Variants in INSM1 observed in about 807,000 individuals in gnomAD.
INSM1 encodes the protein INSM transcriptional repressor 1.
INSM1 carries 11 observed loss-of-function variants against 21.1 expected under a neutral mutation model. The observed-to-expected ratio is 0.52, with a 90% CI of 0.33 to 0.86. INSM1 has a LOEUF of 0.86. Among genes scored for constraint, INSM1 ranks in the 40% least tolerant of loss-of-function variants. The pLI is 0.03. For missense variants in INSM1, 843 were observed against 760.1 expected (o/e 1.11, Z -1.28); for synonymous variants, 473 against 386.1 (o/e 1.23, Z -2.64).
In INSM1 at chr20:20,368,813, C is replaced by T; in HGVS notation, c.546C>T (p.Gly182=). Residue 182 remains glycine (G), a synonymous_variant, in exon 1 of 1, where the codon GGC becomes GGT. Transcript: ENST00000310227. The surrounding 1 kb of genome is among the most constrained non-coding windows in gnomAD (Gnocchi z 4.3). ...CGGCTGGCGCCGAGGCGGCCCGCGG[C>T]CCGGGCCCCGGCCCCCCACTGCCCC... The part of the protein sequence containing the change: ...AFSAGAEAAR[G]PGPGPPLPPA... 2 of 1,102,002 alleles carry T rather than the reference C, an allele frequency of 1.8e-6. No homozygotes were observed. Among genetic ancestry groups the T allele is most frequent in the Non-Finnish European group, 2.3e-6 (2 of 885,174 alleles). 68.3% of individuals were successfully genotyped at this position (1,102,002 alleles called of 1,614,324 possible).
Position 20,368,730 on chromosome 20 carries a change from T to A in INSM1, c.463T>A (p.Cys155Ser), listed in dbSNP as rs1357839198. Residue 155 changes from cysteine to serine, a missense_variant, in exon 1 of 1, where the codon TGC becomes AGC. By Grantham distance (112) the Cys-to-Ser change is moderately radical. Transcript: ENST00000310227. This position sits in a 1 kb window ranked among gnomAD's most constrained non-coding sequence, Gnocchi z 4.3. Reference protein sequence around the residue: ...GASGAGGGGTCGGDPLLFAPA... With the variant: ...GASGAGGGGTSGGDPLLFAPA... ...GAGCGGAGCTGGCGGAGGCGGCACC[T>A]GCGGCGGCGACCCGCTGCTCTTCGC... The A allele has an allele frequency of 1.7e-6, 2 of 1,183,324 alleles. No homozygotes were observed. The highest frequency in any genetic ancestry group is 3.8e-5 in the East Asian group (1 of 26,372). 73.3% of individuals were successfully genotyped at this position (1,183,324 alleles called of 1,614,324 possible).
At position 20,370,008 on chromosome 20, in the gene INSM1, A is replaced by C; in HGVS notation, c.*208A>C. On this transcript the variant is annotated 3_prime_UTR_variant, in exon 1 of 1. Transcript: ENST00000310227. ...GACTCCTTTTGGAACCCCCACTTTT[A>C]CGTTGTGTCCCTCCGCCTCCCCCAT... 4 of 518,578 alleles carry C rather than the reference A, an allele frequency of 7.7e-6. No homozygotes were observed. Among genetic ancestry groups the C allele is most frequent in the South Asian group, 3.3e-5 (1 of 29,882 alleles). 32.1% of individuals were successfully genotyped at this position (518,578 alleles called of 1,614,324 possible).
chr20:20,368,270 G>GC lies in INSM1; in HGVS notation c.7dup (p.Arg3ProfsTer336). On this transcript the variant is annotated frameshift_variant, in exon 1 of 1. Transcript: ENST00000310227. LOFTEE classifies it low-confidence loss of function (END_TRUNC). The surrounding 1 kb of genome is among the most constrained non-coding windows in gnomAD (Gnocchi z 4.3). ...CCGTGCCCTCGGGCCGCGCCAACAT[G>GC]CCCCGCGGCTTCCTGGTGAAGCGCA... 7.9e-7 allele frequency: 1 copy of GC among 1,270,396 alleles called. No homozygotes were observed. The highest frequency in any genetic ancestry group is 1.7e-5 in the South Asian group (1 of 59,222). 78.7% of individuals were successfully genotyped at this position (1,270,396 alleles called of 1,614,324 possible).
chr20:20,368,225 G>A lies in INSM1; in HGVS notation c.-43G>A, dbSNP rs1342647580. The A allele has an allele frequency of 9.1e-7, 1 of 1,093,680 alleles. No individual in the cohort carries two copies. Among genetic ancestry groups the A allele is most frequent in the South Asian group, 3.5e-5 (1 of 28,560 alleles). The allele number at this position is 1,093,680 out of a possible 1,614,324, so 67.7% of individuals were successfully genotyped here. A position where few individuals can be genotyped will look rare whatever the true frequency, so the allele number is the denominator to read the frequency against. The stretch of plus-strand genomic sequence containing the variant: ...CTGAGGGCCGCCGGGGCCGAGCGCG[G>A]AGGGGGGACCGAGCCAGTGCCGTGC... On this transcript the variant is annotated 5_prime_UTR_variant, in exon 1 of 1. Transcript: ENST00000310227. This position sits in a 1 kb window ranked among gnomAD's most constrained non-coding sequence, Gnocchi z 4.3.
At position 20,370,213 on chromosome 20, in the gene INSM1, G is replaced by T. The variant is rs2059495365; in HGVS notation, c.*413G>T. 1 of 186,842 alleles carries T rather than the reference G, an allele frequency of 5.4e-6. No individual in the cohort carries two copies. The highest frequency in any genetic ancestry group is 1.2e-5 in the Non-Finnish European group (1 of 81,710). 11.6% of individuals were successfully genotyped at this position (186,842 alleles called of 1,614,324 possible). A position where few individuals can be genotyped will look rare whatever the true frequency, so the allele number is the denominator to read the frequency against. On this transcript the variant is annotated 3_prime_UTR_variant, in exon 1 of 1. Transcript: ENST00000310227. ...CTACCAATCTCTGCTCTCTATGTATGTAGCGTACGGGTTGTTTTGGGTGAA... is the reference window on the plus strand; with the variant it reads ...CTACCAATCTCTGCTCTCTATGTATTTAGCGTACGGGTTGTTTTGGGTGAA...
chr20:20,369,425 G>A lies in INSM1; in HGVS notation c.1158G>A (p.Leu386=), dbSNP rs745989349. The change falls in exon 1 of 1, where the codon CTG becomes CTA. Residue 386 remains leucine (L), a synonymous_variant. Coordinates refer to ENST00000310227, the MANE Select transcript of INSM1 (RefSeq NM_002196.3). The surrounding 1 kb of genome is among the most constrained non-coding windows in gnomAD (Gnocchi z 5.6). ...GCCAGGCCTACCTACGCAAGCACCT[G>A]CTGGCGCACCACCAGGCGCTGCAGG... ...FRRQAYLRKH[L]LAHHQALQAK... The A allele has an allele frequency of 4.5e-6, 7 of 1,551,268 alleles. No homozygotes were observed. The highest frequency in any genetic ancestry group is 1.7e-4 in the Middle Eastern group (1 of 5,978).
rs1346991087 is a variant in INSM1, at chr20:20,369,082, G to C, written c.815G>C (p.Cys272Ser). 1 of 1,587,060 alleles carries C rather than the reference G, an allele frequency of 6.3e-7. No homozygotes were observed. The change falls in exon 1 of 1, where the codon TGC becomes TCC. Residue 272 changes from cysteine (C) to serine (S), a missense_variant. By Grantham distance (112) the Cys-to-Ser change is moderately radical. Transcript: ENST00000310227. The surrounding 1 kb of genome is among the most constrained non-coding windows in gnomAD (Gnocchi z 5.6). ...RPLGEFICQL[C>S]KEEYADPFAL... Reference sequence around the variant, plus strand: ...CTGGGCGAGTTCATCTGCCAGCTGTGCAAGGAGGAGTACGCCGACCCGTTC... The same window carrying C: ...CTGGGCGAGTTCATCTGCCAGCTGTCCAAGGAGGAGTACGCCGACCCGTTC...
At position 20,368,684 on chromosome 20, in the gene INSM1, A is replaced by G; in HGVS notation, c.417A>G (p.Gly139=). The G allele has an allele frequency of 1.5e-6, 2 of 1,340,526 alleles. No homozygotes were observed. The highest frequency in any genetic ancestry group is 1.9e-6 in the Non-Finnish European group (2 of 1,030,390). 83.0% of individuals were successfully genotyped at this position (1,340,526 alleles called of 1,614,324 possible). A position where few individuals can be genotyped will look rare whatever the true frequency, so the allele number is the denominator to read the frequency against. The change falls in exon 1 of 1, where the codon GGA becomes GGG. Residue 139 remains glycine (G), a synonymous_variant. Transcript: ENST00000310227. The surrounding 1 kb of genome is among the most constrained non-coding windows in gnomAD (Gnocchi z 4.3). ...TCCCCACGCCCGCCGCGCTGCTCGG[A>G]GGGGGCGGCGGCGGCGGCGCGAGCG... ...ESFPTPAALL[G]GGGGGGASGA... is the part of the protein sequence containing the mutation.
chr20:20,369,276 G>T lies in INSM1; in HGVS notation c.1009G>T (p.Ala337Ser). 7.2e-7 allele frequency: 1 copy of T among 1,395,444 alleles called. No homozygotes were observed. The highest frequency in any genetic ancestry group is 9.2e-7 in the Non-Finnish European group (1 of 1,087,624). The allele number at this position is 1,395,444 out of a possible 1,614,324, so 86.4% of individuals were successfully genotyped here. A position where few individuals can be genotyped will look rare whatever the true frequency, so the allele number is the denominator to read the frequency against. The part of the protein sequence containing the change: ...RAPEPEAAAR[A>S]EAREAPGGGS... ...GCCGGAGCCAGAAGCAGCAGCCAGG[G>T]CTGAGGCGCGGGAGGCACCCGGCGG... The change falls in exon 1 of 1, where the codon GCT becomes TCT. Residue 337 changes from alanine to serine, a missense_variant. Transcript: ENST00000310227. This position sits in a 1 kb window ranked among gnomAD's most constrained non-coding sequence, Gnocchi z 5.6.
Position 20,369,366 on chromosome 20 carries a change from T to C in INSM1, c.1099T>C (p.Tyr367His). 2.0e-6 allele frequency: 3 copies of C among 1,537,584 alleles called. No individual in the cohort carries two copies. The highest frequency in any genetic ancestry group is 2.6e-6 in the Non-Finnish European group (3 of 1,153,800). ...VSESGSEDGL[Y>H]ECHHCAKKFR... is the part of the protein sequence containing the mutation. Reference sequence around the variant, plus strand: ...CGAGTCGGGCTCCGAGGACGGGCTCTACGAGTGCCATCACTGCGCCAAGAA... The same window carrying C: ...CGAGTCGGGCTCCGAGGACGGGCTCCACGAGTGCCATCACTGCGCCAAGAA... The change falls in exon 1 of 1, where the codon TAC becomes CAC. Residue 367 changes from tyrosine to histidine, a missense_variant. Coordinates refer to ENST00000310227, the MANE Select transcript of INSM1 (RefSeq NM_002196.3). The surrounding 1 kb of genome is among the most constrained non-coding windows in gnomAD (Gnocchi z 5.6).
In INSM1 at chr20:20,369,887, C is replaced by A; in HGVS notation, c.*87C>A. 1.7e-6 allele frequency: 2 copies of A among 1,211,330 alleles called. No homozygotes were observed. Among genetic ancestry groups the A allele is most frequent in the African/African-American group, 1.6e-5 (1 of 63,762 alleles). The allele number at this position is 1,211,330 out of a possible 1,614,324, so 75.0% of individuals were successfully genotyped here. On this transcript the variant is annotated 3_prime_UTR_variant, in exon 1 of 1. Transcript: ENST00000310227. The surrounding 1 kb of genome is among the most constrained non-coding windows in gnomAD (Gnocchi z 5.6). ...CGCCCTGCACTCCCCGAACCCGAGT[C>A]CGCGCTGGGGGAGCCTCGCCCCCGC...
Position 20,368,699 on chromosome 20 carries a change from CG to C in INSM1, c.434del (p.Gly145AlafsTer91). On this transcript the variant is annotated frameshift_variant, in exon 1 of 1. Transcript: ENST00000310227. LOFTEE classifies it high-confidence loss of function. The surrounding 1 kb of genome is among the most constrained non-coding windows in gnomAD (Gnocchi z 4.3). ...CGCTGCTCGGAGGGGGCGGCGGCGG[CG>C]GCGCGAGCGGAGCTGGCGGAGGCGG... The part of the protein sequence containing the change: ...AALLGGGGGG[G>X]ASGAGGGGTC... 2.3e-6 allele frequency: 3 copies of C among 1,277,184 alleles called. No individual in the cohort carries two copies. Among genetic ancestry groups the C allele is most frequent in the East Asian group, 3.6e-5 (1 of 27,790 alleles). 79.1% of individuals were successfully genotyped at this position (1,277,184 alleles called of 1,614,324 possible).
chr20:20,369,411 C>G lies in INSM1; in HGVS notation c.1144C>G (p.Leu382Val). ...CAAGAAGTTCCGCCGCCAGGCCTACCTACGCAAGCACCTGCTGGCGCACCA... is the reference window on the plus strand; with the variant it reads ...CAAGAAGTTCCGCCGCCAGGCCTACGTACGCAAGCACCTGCTGGCGCACCA... ...CAKKFRRQAY[L>V]RKHLLAHHQA... Residue 382 changes from leucine to valine, a missense_variant, in exon 1 of 1, where the codon CTA becomes GTA. Transcript: ENST00000310227. This position sits in a 1 kb window ranked among gnomAD's most constrained non-coding sequence, Gnocchi z 5.6. The G allele has an allele frequency of 6.4e-7, 1 of 1,554,892 alleles. No individual in the cohort carries two copies. The highest frequency in any genetic ancestry group is 1.4e-5 in the African/African-American group (1 of 71,584).
rs150719975 is a variant in INSM1, at chr20:20,369,788, C to A, written c.1521C>A (p.Arg507=). 1.4e-4 allele frequency: 230 copies of A among 1,596,484 alleles called. No individual in the cohort carries two copies. In the African/African-American group the frequency reaches 2.7e-3, roughly 18 times the overall value. ...RQVILLQVPV[R]PAC is the part of the protein sequence containing the mutation. ...TGATCCTCCTGCAGGTGCCCGTGCG[C>A]CCGGCCTGCTAGAGCGCGCCCTCCA... Residue 507 remains arginine (R), a synonymous_variant, in exon 1 of 1, where the codon CGC becomes CGA. Coordinates refer to ENST00000310227, the MANE Select transcript of INSM1 (RefSeq NM_002196.3). This position sits in a 1 kb window ranked among gnomAD's most constrained non-coding sequence, Gnocchi z 5.6.
In INSM1 at chr20:20,368,952, C is replaced by A; in HGVS notation, c.685C>A (p.Leu229Met). ...CAAGAAGCCCAAGGCCATCCGCAAG[C>A]TGCACTTCGAGGACGAGGTGACCAC... ...GAKKPKAIRK[L>M]HFEDEVTTSP... is the part of the protein sequence containing the mutation. Residue 229 changes from leucine (L) to methionine (M), a missense_variant, in exon 1 of 1, where the codon CTG becomes ATG. Transcript: ENST00000310227. This position sits in a 1 kb window ranked among gnomAD's most constrained non-coding sequence, Gnocchi z 4.3. 1 of 1,555,458 alleles carries A rather than the reference C, an allele frequency of 6.4e-7. No individual in the cohort carries two copies. Among genetic ancestry groups the A allele is most frequent in the Admixed American group, 1.9e-5 (1 of 53,210 alleles).
In INSM1 at chr20:20,368,866, A is replaced by G. The variant is rs1006476457; in HGVS notation, c.599A>G (p.Lys200Arg). ...PPAAALRPPG[K>R]RPPPPTAAEP... ...GCCGCCGCCCTGCGGCCCCCGGGAA[A>G]GCGGCCCCCGCCCCCTACCGCCGCG... is the stretch of plus-strand genomic sequence containing the variant. Residue 200 changes from lysine to arginine, a missense_variant, in exon 1 of 1, where the codon AAG (lysine) becomes AGG (arginine). Lys to Arg is a conservative substitution (Grantham distance 26). Transcript: ENST00000310227. The surrounding 1 kb of genome is among the most constrained non-coding windows in gnomAD (Gnocchi z 4.3). The G allele has an allele frequency of 8.7e-6, 12 of 1,377,014 alleles. No homozygotes were observed. The highest frequency in any genetic ancestry group is 1.1e-5 in the Non-Finnish European group (12 of 1,065,794). 85.3% of individuals were successfully genotyped at this position (1,377,014 alleles called of 1,614,324 possible). A position where few individuals can be genotyped will look rare whatever the true frequency, so the allele number is the denominator to read the frequency against.
At position 20,368,741 on chromosome 20, in the gene INSM1, C is replaced by T; in HGVS notation, c.474C>T (p.Asp158=). ...GCGGAGGCGGCACCTGCGGCGGCGA[C>T]CCGCTGCTCTTCGCGCCCGCCGAGC... ...GAGGGGTCGG[D]PLLFAPAELK... The change falls in exon 1 of 1, where the codon GAC becomes GAT. Residue 158 remains aspartate, a synonymous_variant. Coordinates refer to ENST00000310227, the MANE Select transcript of INSM1 (RefSeq NM_002196.3). The surrounding 1 kb of genome is among the most constrained non-coding windows in gnomAD (Gnocchi z 4.3). 1 of 1,173,718 alleles carries T rather than the reference C, an allele frequency of 8.5e-7. No individual in the cohort carries two copies. The highest frequency in any genetic ancestry group is 1.1e-6 in the Non-Finnish European group (1 of 937,418). 72.7% of individuals were successfully genotyped at this position (1,173,718 alleles called of 1,614,324 possible).
chr20:20,369,770 C>G lies in INSM1; in HGVS notation c.1503C>G (p.Leu501=), dbSNP rs1363717262. 1 of 1,600,302 alleles carries G rather than the reference C, an allele frequency of 6.2e-7. No individual in the cohort carries two copies. Among genetic ancestry groups the G allele is most frequent in the East Asian group, 2.2e-5 (1 of 44,504 alleles). The part of the protein sequence containing the change: ...CHPSENRQVI[L]LQVPVRPAC ...CATCCGAAAACAGACAGGTGATCCT[C>G]CTGCAGGTGCCCGTGCGCCCGGCCT... The change falls in exon 1 of 1, where the codon CTC becomes CTG. Residue 501 remains leucine, a synonymous_variant. Coordinates refer to ENST00000310227, the MANE Select transcript of INSM1 (RefSeq NM_002196.3). The surrounding 1 kb of genome is among the most constrained non-coding windows in gnomAD (Gnocchi z 5.6).
In INSM1 at chr20:20,369,916, C is replaced by T. The variant is rs994488245; in HGVS notation, c.*116C>T. ...GCTGGGGGAGCCTCGCCCCCGCCCCCACCGGGTGAAAGTGTCGTCTCCGCT... is the reference window on the plus strand; with the variant it reads ...GCTGGGGGAGCCTCGCCCCCGCCCCTACCGGGTGAAAGTGTCGTCTCCGCT... On this transcript the variant is annotated 3_prime_UTR_variant, in exon 1 of 1. Transcript: ENST00000310227. This position sits in a 1 kb window ranked among gnomAD's most constrained non-coding sequence, Gnocchi z 5.6. The T allele has an allele frequency of 3.5e-6, 3 of 865,522 alleles. No homozygotes were observed. The Admixed American group carries it at 9.4e-5, about 27-fold the overall frequency. The allele number at this position is 865,522 out of a possible 1,614,324, so 53.6% of individuals were successfully genotyped here.
Sources: allele counts gnomAD v4.1 joint callset, GRCh38; gene constraint gnomAD v4.1.1; non-coding constraint Gnocchi (gnomAD v3.1); transcripts MANE v1.5; gene names NCBI Gene and HGNC (gene_info 2026-07-23, HGNC 2026-07-21).